The following ERBB4 variants were observed in gnomAD, a reference collection of about 807,000 sequenced individuals.
The protein encoded by ERBB4 is receptor tyrosine-protein kinase erbB-4.
ERBB4 carries 42 observed loss-of-function variants against 158.0 expected under a neutral mutation model. The observed-to-expected ratio is 0.27, with a 90% CI of 0.21 to 0.34. The LOEUF (loss-of-function observed/expected upper bound fraction) is 0.34. Among genes scored for constraint, ERBB4 ranks in the 10% least tolerant of loss-of-function variants. ERBB4 has a pLI of 1.00. For missense variants in ERBB4, 1,333 were observed against 1,624.1 expected (o/e 0.82, Z 3.08); for synonymous variants, 583 against 558.7 (o/e 1.04, Z -0.61).
At chr2:211,943,994 T>C (rs1221173716) in intron 3 of ERBB4, among the ~76,000 whole-genome samples, 1 of 150,682 alleles carries the variant, frequency 6.6e-6, no homozygotes, top group Non-Finnish European at 1.5e-5. Flanking sequence ...AATGTGCTGT[T>C]CTGAACACAC....
intron 1 of ERBB4, among the ~76,000 whole-genome samples, chr2:212,203,873 A>ACT (rs1379116128): frequency 6.6e-6 from 1 of 152,150 alleles, no homozygotes; most frequent in Non-Finnish European, 1.5e-5. Flanking sequence ...AAATGAAGAT[A>ACT]CTCTTTTTAA....
At chr2:212,484,730 ATC>A in intron 1 of ERBB4, among the ~76,000 whole-genome samples, 1 of 152,280 alleles carries the variant, frequency 6.6e-6, no homozygotes, top group East Asian at 1.9e-4. Flanking sequence ...TTCCATCTTT[ATC>A]TCTGTCTCCT....
At chr2:211,542,010 TTTTA>T (rs1460711657) in intron 20 of ERBB4, among the ~76,000 whole-genome samples, 5 of 152,014 alleles carry the variant, frequency 3.3e-5, no homozygotes, top group African/African-American at 1.2e-4. Context: ...TCCACATTTT[TTTTA>T]TTGTTATTGA....
At chr2:211,722,283 A>G in intron 7 of ERBB4, 110 bp downstream of exon 7, 1 of 897,904 alleles carries the variant, frequency 1.1e-6, no homozygotes, top group Non-Finnish European at 1.8e-6. Context: ...TCTATACCCA[A>G]AGTACTTATA....
intron 1 of ERBB4, among the ~76,000 whole-genome samples, chr2:212,460,549 T>C (rs994016129): frequency 3.9e-5 from 6 of 152,206 alleles, no homozygotes; most frequent in South Asian, 4.1e-4. Flanking sequence ...GCAAAGAGGC[T>C]GGCATCATTT....
At chr2:212,025,272 AG>A (rs2076747651) in intron 2 of ERBB4, among the ~76,000 whole-genome samples, 1 of 151,808 alleles carries the variant, frequency 6.6e-6, no homozygotes, top group African/African-American at 2.4e-5. Context: ...GGCACTTGAA[AG>A]GTGTTATGAT....
chr2:212,202,067 C>G (rs1437273640), intron 1 of ERBB4, among the ~76,000 whole-genome samples: 2 of 151,962 alleles, frequency 1.3e-5, no homozygotes, highest in Non-Finnish European at 1.5e-5. Context: ...AAATGAATAC[C>G]AATTCGGTTA....
chr2:211,607,374 A>T (rs530791887), intron 19 of ERBB4, among the ~76,000 whole-genome samples: 72 of 152,306 alleles, frequency 4.7e-4, no homozygotes, highest in African/African-American at 1.7e-3. Context: ...AGGGACTCCC[A>T]AAGAACTCTG....
intron 1 of ERBB4, among the ~76,000 whole-genome samples, chr2:212,527,398 A>G (rs1163169659): frequency 6.6e-6 from 1 of 152,122 alleles, no homozygotes; most frequent in African/African-American, 2.4e-5. Flanking sequence ...TTTCTTCCAG[A>G]GCAATGCATT....
chr2:212,011,938 A>C (rs1158692704), intron 2 of ERBB4, among the ~76,000 whole-genome samples: 1 of 152,126 alleles, frequency 6.6e-6, no homozygotes, highest in Admixed American at 6.5e-5. Context: ...TATTTTATTG[A>C]CTGGAATGCT....
intron 3 of ERBB4, among the ~76,000 whole-genome samples, chr2:211,944,249 T>G (rs963744942): frequency 7.8e-6 from 1 of 128,768 alleles, no homozygotes; most frequent in African/African-American, 2.8e-5. Context: ...ACTTAAAGTC[T>G]TCATCTCAAA....
At chr2:212,231,476 GA>G (rs1355115897) in intron 1 of ERBB4, among the ~76,000 whole-genome samples, 1 of 152,204 alleles carries the variant, frequency 6.6e-6, no homozygotes, top group Admixed American at 6.5e-5. Context: ...GTGAGTGCCA[GA>G]AGCAGCATTA....
intron 1 of ERBB4, among the ~76,000 whole-genome samples, chr2:212,386,107 C>T (rs1026627768): frequency 1.3e-5 from 2 of 151,578 alleles, no homozygotes; most frequent in African/African-American, 4.8e-5. Context: ...TGTCTGTCAT[C>T]CTTTACCACT....
chr2:211,914,285 CT>C (rs113302456), intron 3 of ERBB4, among the ~76,000 whole-genome samples: 46,363 of 150,468 alleles, frequency 0.31, 7,580 homozygotes, highest in African/African-American at 0.42. Context: ...ACATCAGCTT[CT>C]CTTTGCTGTC....
At chr2:212,103,084 G>C (rs1481265879) in intron 2 of ERBB4, among the ~76,000 whole-genome samples, 1 of 152,078 alleles carries the variant, frequency 6.6e-6, no homozygotes, top group African/African-American at 2.4e-5. Flanking sequence ...ATGCATGACA[G>C]ATGGAGCTTA....
At chr2:211,669,806 G>A (rs1051680697) in intron 14 of ERBB4, among the ~76,000 whole-genome samples, 5 of 152,138 alleles carry the variant, frequency 3.3e-5, no homozygotes, top group Non-Finnish European at 7.4e-5. Context: ...TGAGATGTAC[G>A]AGAAATTTAC....
chr2:212,340,303 G>A lies in ERBB4; in HGVS notation c.82+198146C>T, dbSNP rs534707706. ...CTTTCGGGCATCAGGAACTGGTTTC[G>A]TGGAAGACAATTTTTCCACAGACAG... is the stretch of plus-strand genomic sequence containing the variant. On this transcript the variant is annotated intron_variant, in intron 1 of 27. Transcript: ENST00000342788. Among the ~76,000 whole-genome samples, 21 of 152,230 alleles carry A rather than the reference G, an allele frequency of 1.4e-4. No individual in the cohort carries two copies. The East Asian group carries it at 3.5e-3, about 25-fold the overall frequency.
At chr2:212,179,130 AAAGCTCCT>A (rs2081772300) in intron 1 of ERBB4, among the ~76,000 whole-genome samples, 1 of 151,658 alleles carries the variant, frequency 6.6e-6, no homozygotes, top group Non-Finnish European at 1.5e-5. Context: ...TGGAGTATGT[AAAGCTCCT>A]ATGTCTTTTG....
chr2:211,544,416 C>T (rs142481775), intron 20 of ERBB4, among the ~76,000 whole-genome samples: 1 of 152,076 alleles, frequency 6.6e-6, no homozygotes, highest in Non-Finnish European at 1.5e-5. Context: ...TGCCTTGCCC[C>T]ACTCGTAGAG....
Sources: gnomAD v4.1 joint callset for allele counts (sites outside exome capture counted in the v4.1 genomes callset) on GRCh38, gnomAD v4.1.1 for gene constraint, MANE v1.5 for transcripts, NCBI Gene and HGNC (gene_info 2026-07-23, HGNC 2026-07-21) for gene names.